BABAM2: variants seen among roughly 807,000 people sequenced by gnomAD.
BABAM2 encodes BRISC and BRCA1 A complex member 2, also known as BRISC and BRCA1-A complex member 2.
A neutral mutation model predicts 54.7 loss-of-function variants in BABAM2; 31 were observed. That is an observed-to-expected ratio of 0.57 (90% CI 0.43 to 0.77). BABAM2 has a LOEUF of 0.77. Among genes scored for constraint, BABAM2 ranks in the 30% least tolerant of loss-of-function variants. BABAM2 has a pLI of 0.00. For missense variants in BABAM2, 364 were observed against 455.8 expected, an observed-to-expected ratio of 0.80 and a Z score of 1.83; for synonymous variants, 167 against 162.9, an observed-to-expected ratio of 1.03 and a Z score of -0.19.
intron 6 of BABAM2, among the ~76,000 whole-genome samples, chr2:28,071,954 T>A (rs986721502): frequency 2.0e-5 from 3 of 152,238 alleles, no homozygotes; most frequent in African/African-American, 4.8e-5. Context: ...TGTGCCAAGA[T>A]GTTTGAAATT....
At chr2:28,311,186 G>A (rs920263010) in intron 11 of BABAM2, among the ~76,000 whole-genome samples, 5 of 151,256 alleles carry the variant, frequency 3.3e-5, no homozygotes, top group African/African-American at 2.4e-5. Context: ...GCGTGAACCC[G>A]GGAGGCGGAG....
At chr2:28,254,737 T>C (rs546639976) in intron 10 of BABAM2, among the ~76,000 whole-genome samples, 1 of 148,926 alleles carries the variant, frequency 6.7e-6, no homozygotes, top group African/African-American at 2.5e-5. Context: ...AATTTTTTTT[T>C]TTTTTTTTTT....
intron 10 of BABAM2, among the ~76,000 whole-genome samples, chr2:28,285,588 C>T (rs1366156413): frequency 1.3e-5 from 2 of 152,162 alleles, no homozygotes; most frequent in African/African-American, 4.8e-5. Flanking sequence ...AATCCTTCTG[C>T]CAGATATTTG....
At chr2:27,922,721 A>G (rs988851298) in intron 2 of BABAM2, among the ~76,000 whole-genome samples, 3 of 152,226 alleles carry the variant, frequency 2.0e-5, no homozygotes, top group Admixed American at 6.5e-5. Flanking sequence ...TGTTACTGCT[A>G]TATTCCTAGC....
chr2:27,917,014 C>CTTTTT (rs753765833), intron 2 of BABAM2, among the ~76,000 whole-genome samples: 9 of 90,100 alleles, frequency 1.0e-4, no homozygotes, highest in Admixed American at 2.4e-4. Flanking sequence ...TCACTCCAAA[C>CTTTTT]TTTTTTTTTT....
chr2:28,186,638 GA>G lies in BABAM2; in HGVS notation c.681-50563del, dbSNP rs1358961849. ...GAGAGAGACAGAGAGAGGGGAGAAA[GA>G]GAGAGAGTATGTGAGAGAGAGGGAA... On this transcript the variant is annotated intron_variant, in intron 7 of 11. Coordinates refer to ENST00000379624, the MANE Select transcript of BABAM2 (RefSeq NM_199191.3). 3.9e-5 allele frequency among the ~76,000 whole-genome samples: 6 copies of G among 151,906 alleles called. No homozygotes were observed. In the East Asian group the frequency reaches 1.2e-3, roughly 29 times the overall value.
chr2:28,144,234 C>G (rs1671306971), intron 7 of BABAM2, among the ~76,000 whole-genome samples: 3 of 152,178 alleles, frequency 2.0e-5, no homozygotes, highest in Admixed American at 2.0e-4. Context: ...CTGTCATCAT[C>G]ATCAACATCA....
intron 3 of BABAM2, among the ~76,000 whole-genome samples, chr2:27,931,704 C>A (rs902890922): frequency 6.6e-6 from 1 of 152,024 alleles, no homozygotes; most frequent in Non-Finnish European, 1.5e-5. Flanking sequence ...ACCTGGTACA[C>A]AGTTAGCTTC....
At chr2:27,917,360 G>A (rs1274096880) in intron 2 of BABAM2, among the ~76,000 whole-genome samples, 2 of 152,052 alleles carry the variant, frequency 1.3e-5, no homozygotes, top group African/African-American at 4.8e-5. Flanking sequence ...GTCAGTTTGG[G>A]TTGCCATAAC....
upstream of BABAM2, chr2:27,890,267 C>G (rs1365133936): frequency 6.2e-7 from 1 of 1,613,682 alleles, no homozygotes; most frequent in East Asian, 2.2e-5. The surrounding 1 kb of genome is among the most constrained non-coding windows in gnomAD (Gnocchi z 4.8). Flanking sequence ...CTGACCAGGT[C>G]GGTCATGCAG....
At chr2:27,929,711 AGC>A in intron 2 of BABAM2, 119 bp from the exon 3 acceptor site, 1 of 825,924 alleles carries the variant, frequency 1.2e-6, no homozygotes, top group Non-Finnish European at 1.9e-6. Flanking sequence ...TTGTTCTGTA[AGC>A]CAGTGTTTTA....
At chr2:27,902,862 T>G (rs146432333) in intron 2 of BABAM2, among the ~76,000 whole-genome samples, 1 of 152,142 alleles carries the variant, frequency 6.6e-6, no homozygotes, top group Non-Finnish European at 1.5e-5. Context: ...AGTATTTTCT[T>G]TTTTAGATTT....
At chr2:28,208,263 C>T (rs1679089808) in intron 7 of BABAM2, among the ~76,000 whole-genome samples, 1 of 152,170 alleles carries the variant, frequency 6.6e-6, no homozygotes, top group Non-Finnish European at 1.5e-5. Context: ...GATGTTGTGT[C>T]TGTATCAGGC....
At position 28,159,962 on chromosome 2, in the gene BABAM2, AG is replaced by A. The variant is rs1443592173; in HGVS notation, c.680+30583del. ...GGGTTTTACATCCTGAAAGAAACCC[AG>A]AAAATGATTGGGTTTTTGTTTGTTT... On this transcript the variant is annotated intron_variant, in intron 7 of 11. Coordinates refer to ENST00000379624, the MANE Select transcript of BABAM2 (RefSeq NM_199191.3). Among the ~76,000 whole-genome samples the A allele has an allele frequency of 2.0e-5, 3 of 152,092 alleles. No homozygotes were observed. The East Asian group carries it at 5.8e-4, about 29-fold the overall frequency.
intron 10 of BABAM2, among the ~76,000 whole-genome samples, chr2:28,256,693 CTTTTTT>C (rs34881415): frequency 2.0e-4 from 24 of 122,804 alleles, no homozygotes; most frequent in African/African-American, 2.7e-4. Flanking sequence ...TGGCTCACTT[CTTTTTT>C]TTTTTTTTTT....
At chr2:27,923,703 G>T (rs1667488607) in intron 2 of BABAM2, among the ~76,000 whole-genome samples, 2 of 152,138 alleles carry the variant, frequency 1.3e-5, no homozygotes, top group South Asian at 4.1e-4. Flanking sequence ...GGGTGCAGTG[G>T]CTCATGCCTA....
chr2:27,987,899 G>T, intron 3 of BABAM2, 94 bp from the exon 4 acceptor site: 23 of 1,030,354 alleles, frequency 2.2e-5, no homozygotes, highest in Non-Finnish European at 2.4e-5. Context: ...TTAAACTAAT[G>T]TAAATTTCTT....
chr2:27,978,816 C>T (rs1409350131), intron 3 of BABAM2, among the ~76,000 whole-genome samples: 1 of 152,038 alleles, frequency 6.6e-6, no homozygotes, highest in East Asian at 1.9e-4. Flanking sequence ...AAGTAGGCCC[C>T]AGTGTCTATT....
At chr2:27,938,811 CCTT>C (rs78072089) in intron 3 of BABAM2, among the ~76,000 whole-genome samples, 29,053 of 151,952 alleles carry the variant, frequency 0.19, 3,409 homozygotes, top group Non-Finnish European at 0.28. Context: ...TATTCTCTAA[CCTT>C]CTCCTTTTTG....
Sources: gnomAD v4.1 joint callset for allele counts (sites outside exome capture counted in the v4.1 genomes callset) on GRCh38, gnomAD v4.1.1 for gene constraint, Gnocchi (gnomAD v3.1) non-coding constraint, MANE v1.5 for transcripts, NCBI Gene and HGNC (gene_info 2026-07-23, HGNC 2026-07-21) for gene names.